RNF182: variants seen among roughly 807,000 people sequenced by gnomAD.
RNF182 encodes the protein ring finger protein 182.
In RNF182, 15 loss-of-function variants were observed where a neutral mutation model predicts 14.4. That is an observed-to-expected ratio of 1.04 (90% CI 0.70 to 1.60). The LOEUF is 1.60. Ranked by LOEUF, RNF182 falls within the 40% of genes most tolerant of loss-of-function variation. The pLI, the probability that RNF182 is intolerant of heterozygous loss-of-function variation, is 0.00. For synonymous variants in RNF182, 128 were observed against 122.9 expected, an observed-to-expected ratio of 1.04 and a Z score of -0.27; for missense variants, 268 against 294.8, an observed-to-expected ratio of 0.91 and a Z score of 0.67.
At chr6:13,944,573 A>G (rs1200582281) in intron 1 of RNF182, among the ~76,000 whole-genome samples, 7 of 152,228 alleles carry the variant, frequency 4.6e-5, no homozygotes, top group Admixed American at 2.6e-4. Context: ...TAATTTATGC[A>G]TGGAAATTCA....
At chr6:13,957,951 T>G (rs527690982) in intron 1 of RNF182, among the ~76,000 whole-genome samples, 2 of 152,278 alleles carry the variant, frequency 1.3e-5, no homozygotes, top group African/African-American at 4.8e-5. Flanking sequence ...TGGACAAATA[T>G]TTATCAATTG....
intron 1 of RNF182, chr6:13,949,299 CAT>C (rs1403033333): frequency 1.5e-5 from 12 of 777,334 alleles, no homozygotes; most frequent in African/African-American, 6.8e-5. Context: ...AGAAACCTGA[CAT>C]GTGGGCATCC....
At chr6:13,954,724 A>G (rs1759685524) in intron 1 of RNF182, among the ~76,000 whole-genome samples, 1 of 152,164 alleles carries the variant, frequency 6.6e-6, no homozygotes, top group Admixed American at 6.5e-5. Context: ...TTATTTATTG[A>G]AGAAACTGGA....
intron 1 of RNF182, among the ~76,000 whole-genome samples, chr6:13,930,527 C>G (rs1027779583): frequency 1.3e-5 from 2 of 152,196 alleles, no homozygotes; most frequent in African/African-American, 4.8e-5. Flanking sequence ...CCTTCTCACT[C>G]CCTCCCAGTA....
intron 1 of RNF182, among the ~76,000 whole-genome samples, chr6:13,941,237 A>G (rs960094374): frequency 2.0e-5 from 3 of 152,104 alleles, no homozygotes; most frequent in Admixed American, 6.5e-5. Flanking sequence ...TTTTGAGGAT[A>G]TGTTATTGGA....
At chr6:13,931,146 C>G (rs1211931458) in intron 1 of RNF182, among the ~76,000 whole-genome samples, 2 of 152,022 alleles carry the variant, frequency 1.3e-5, no homozygotes, top group Non-Finnish European at 2.9e-5. Context: ...CTCAGATGGG[C>G]TTTTAGAGTA....
intron 1 of RNF182, among the ~76,000 whole-genome samples, chr6:13,951,160 CAT>C (rs1759581765): frequency 1.3e-5 from 2 of 152,186 alleles, no homozygotes; most frequent in African/African-American, 4.8e-5. Flanking sequence ...ACACACAACA[CAT>C]ATAAATACAC....
intron 1 of RNF182, among the ~76,000 whole-genome samples, chr6:13,925,847 G>A (rs907017777): frequency 2.0e-5 from 3 of 152,176 alleles, no homozygotes; most frequent in African/African-American, 7.2e-5. Context: ...ACCACGATGC[G>A]GTTGCCACTG....
intron 1 of RNF182, among the ~76,000 whole-genome samples, chr6:13,944,849 A>T (rs1034791273): frequency 6.6e-6 from 1 of 152,180 alleles, no homozygotes; most frequent in East Asian, 1.9e-4. Flanking sequence ...TTTGACTTCA[A>T]ATGACTCTGA....
At position 13,979,648 on chromosome 6, in the gene RNF182, A is replaced by C. The variant is rs900999538; in HGVS notation, c.*1785A>C. 6.0e-6 allele frequency: 1 copy of C among 166,600 alleles called. No individual in the cohort carries two copies. Among genetic ancestry groups the C allele is most frequent in the African/African-American group, 2.4e-5 (1 of 41,436 alleles). The allele number at this position is 166,600 out of a possible 1,614,324, so 10.3% of individuals were successfully genotyped here. A position where few individuals can be genotyped will look rare whatever the true frequency, so the allele number is the denominator to read the frequency against. ...TCCATTTGTGTTTAGAGTAAATACC[A>C]TGTTTAGAAGATGTTTTGTGGTTTG... On this transcript the variant is annotated 3_prime_UTR_variant, in exon 3 of 3. Transcript: ENST00000488300.
At chr6:13,968,575 C>T (rs1760095050) in intron 1 of RNF182, among the ~76,000 whole-genome samples, 1 of 152,072 alleles carries the variant, frequency 6.6e-6, no homozygotes, top group South Asian at 2.1e-4. Flanking sequence ...ACAGTTAATA[C>T]CAAAACCTAA....
In RNF182 at chr6:13,977,365, C is replaced by T. The variant is rs764773327; in HGVS notation, c.246C>T (p.Pro82=). Residue 82 remains proline (P), a synonymous_variant, in exon 3 of 3, where the codon CCC becomes CCT. Coordinates refer to ENST00000488300, the MANE Select transcript of RNF182 (RefSeq NM_152737.4). ...CLPDDEVSSL[P]DDNNILVNLT... is the part of the protein sequence containing the mutation. ...CAGATGATGAAGTTAGTAGCCTGCC[C>T]GATGACAACAACATCCTTGTAAACT... The T allele has an allele frequency of 6.9e-5, 111 of 1,614,016 alleles. 1 individual carries two copies. The highest frequency in any genetic ancestry group is 8.1e-5 in the Non-Finnish European group (96 of 1,180,026).
At chr6:13,943,534 T>C (rs564743781) in intron 1 of RNF182, among the ~76,000 whole-genome samples, 33 of 152,302 alleles carry the variant, frequency 2.2e-4, no homozygotes, top group Middle Eastern at 3.4e-3. Flanking sequence ...CTTTGTACCA[T>C]TGGTACTTAT....
intron 1 of RNF182, among the ~76,000 whole-genome samples, chr6:13,929,592 C>A (rs1454615543): frequency 6.6e-6 from 1 of 152,162 alleles, no homozygotes; most frequent in African/African-American, 2.4e-5. Context: ...CCCTATGGGC[C>A]AGACACTTTT....
At chr6:13,950,972 T>C (rs1485432537) in intron 1 of RNF182, among the ~76,000 whole-genome samples, 1 of 151,786 alleles carries the variant, frequency 6.6e-6, no homozygotes, top group Non-Finnish European at 1.5e-5. Context: ...AACTTTTGTA[T>C]ATTTAGTAGA....
intron 1 of RNF182, among the ~76,000 whole-genome samples, chr6:13,960,007 G>A (rs1468491333): frequency 1.3e-5 from 2 of 152,160 alleles, no homozygotes; most frequent in Non-Finnish European, 2.9e-5. Flanking sequence ...TGATAGAAGA[G>A]GAGCTGGCAG....
At chr6:13,959,018 A>T (rs963419114) in intron 1 of RNF182, among the ~76,000 whole-genome samples, 1 of 152,202 alleles carries the variant, frequency 6.6e-6, no homozygotes, top group African/African-American at 2.4e-5. Context: ...ATCTCTGCAG[A>T]TATCGGCTCC....
At chr6:13,932,158 G>A (rs866537723) in intron 1 of RNF182, among the ~76,000 whole-genome samples, 2 of 152,338 alleles carry the variant, frequency 1.3e-5, no homozygotes, top group Middle Eastern at 3.4e-3. Flanking sequence ...TACCTGTAAA[G>A]TGGAGACAAT....
intron 1 of RNF182, among the ~76,000 whole-genome samples, chr6:13,973,484 C>A (rs982416816): frequency 1.3e-5 from 2 of 151,970 alleles, no homozygotes; most frequent in African/African-American, 4.8e-5. Context: ...TGTAATAATC[C>A]CCACATGTCA....
Sources: allele counts gnomAD v4.1 joint callset (sites outside exome capture counted in the v4.1 genomes callset), GRCh38; gene constraint gnomAD v4.1.1; transcripts MANE v1.5; gene names NCBI Gene and HGNC (gene_info 2026-07-23, HGNC 2026-07-21).